The following DPP6 variants were observed in gnomAD, a reference collection of about 807,000 sequenced individuals.
The protein encoded by DPP6 is dipeptidyl peptidase like 6.
DPP6 carries 69 observed loss-of-function variants against 122.6 expected under a neutral mutation model. The ratio of observed to expected loss-of-function variants is 0.56; its 90% confidence interval spans 0.46 to 0.69. The LOEUF (loss-of-function observed/expected upper bound fraction) is 0.69. DPP6 is among the 30% of genes least tolerant of loss of function. DPP6 has a pLI of 0.00. For missense variants in DPP6, 928 were observed against 1,116.9 expected (o/e 0.83, Z 2.41); for synonymous variants, 418 against 433.1 (o/e 0.97, Z 0.43).
rs982820777 is a variant in DPP6 at position 154,760,140 on chromosome 7, A to G, written c.884-9277A>G. On this transcript the variant is annotated intron_variant, in intron 8 of 25. Transcript: ENST00000377770. This position sits in a 1 kb window ranked among gnomAD's most constrained non-coding sequence, Gnocchi z 4.5. ...TCTGTCTCAAAACAAAAAAAAGTCT[A>G]TTCCCAAGGAGACAGGCATCCAGCT... is the stretch of plus-strand genomic sequence containing the variant. Among the ~76,000 whole-genome samples, 4 of 152,150 alleles carry G rather than the reference A, an allele frequency of 2.6e-5. No homozygotes were observed. Among genetic ancestry groups the G allele is most frequent in the African/African-American group, 7.2e-5 (3 of 41,454 alleles).
chr7:154,031,877 TG>T (rs1368257614), intron 1 of DPP6, among the ~76,000 whole-genome samples: 4 of 87,034 alleles, frequency 4.6e-5, no homozygotes, highest in East Asian at 6.1e-4. Context: ...TTTTTTTTTT[TG>T]GGGGACGGGG....
chr7:154,261,285 G>A (rs936439694), intron 1 of DPP6, among the ~76,000 whole-genome samples: 1 of 152,198 alleles, frequency 6.6e-6, no homozygotes, highest in Non-Finnish European at 1.5e-5. Context: ...AGTATTCCCA[G>A]TTCACTGCAT....
intron 7 of DPP6, among the ~76,000 whole-genome samples, chr7:154,690,418 A>G (rs1455736747): frequency 3.3e-5 from 5 of 152,148 alleles, no homozygotes; most frequent in Non-Finnish European, 7.3e-5. Context: ...GCCTCACTCA[A>G]GATCTGACTT....
At chr7:153,879,639 G>A in the DPP6 span, among the ~76,000 whole-genome samples, 49 of 152,186 alleles carry the variant, frequency 3.2e-4, no homozygotes, top group Non-Finnish European at 6.2e-4. Flanking sequence ...AACCACCTGC[G>A]TCGGCCCTCA....
chr7:153,994,844 T>A (rs1797351479), intron 1 of DPP6, among the ~76,000 whole-genome samples: 1 of 152,198 alleles, frequency 6.6e-6, no homozygotes, highest in Non-Finnish European at 1.5e-5. Flanking sequence ...TCCCTACAGA[T>A]AAGTTTCACT....
In DPP6 at chr7:154,833,198, G is replaced by A. The variant is rs114464689; in HGVS notation, c.1667-20582G>A. Among the ~76,000 whole-genome samples, 214 of 152,342 alleles carry A rather than the reference G, an allele frequency of 1.4e-3. No homozygotes were observed. The highest frequency in any genetic ancestry group is 4.7e-3 in the African/African-American group (197 of 41,580). The stretch of plus-strand genomic sequence containing the variant: ...CTCCGATGCACACAGGAGCAGTGCA[G>A]AAGAGTGAGGGTCCCGGGGTCCCAG... On this transcript the variant is annotated intron_variant, in intron 16 of 25. Coordinates refer to ENST00000377770, the MANE Select transcript of DPP6 (RefSeq NM_130797.4). This position sits in a 1 kb window ranked among gnomAD's most constrained non-coding sequence, Gnocchi z 4.3.
At chr7:154,784,127 G>A (rs543033688) in intron 10 of DPP6, among the ~76,000 whole-genome samples, 3 of 152,138 alleles carry the variant, frequency 2.0e-5, no homozygotes, top group Non-Finnish European at 4.4e-5. Context: ...TTGCCTGTGA[G>A]CCTCATGCCC....
intron 3 of DPP6, among the ~76,000 whole-genome samples, chr7:154,479,596 G>A (rs941245991): frequency 1.5e-5 from 2 of 135,218 alleles, no homozygotes; most frequent in Non-Finnish European, 3.3e-5. Context: ...AAAAAGAAAA[G>A]GCTCACTCTG....
intron 1 of DPP6, among the ~76,000 whole-genome samples, chr7:154,182,713 G>C (rs970532832): frequency 4.6e-5 from 7 of 152,022 alleles, no homozygotes; most frequent in Non-Finnish European, 8.8e-5. Context: ...GTGTCTCTCG[G>C]TGTGCTATTA....
At chr7:154,762,885 C>T (rs567006569) in intron 8 of DPP6, among the ~76,000 whole-genome samples, 2 of 152,348 alleles carry the variant, frequency 1.3e-5, no homozygotes, top group South Asian at 4.1e-4. Flanking sequence ...ATGTGTCCAA[C>T]CTGCCTCCGA....
chr7:153,951,724 C>G (rs1395608070), intron 1 of DPP6, among the ~76,000 whole-genome samples: 2 of 152,152 alleles, frequency 1.3e-5, no homozygotes, highest in Non-Finnish European at 2.9e-5. Flanking sequence ...TTTCTTCCCC[C>G]ACTCCTTGCC....
chr7:154,535,366 A>C (rs1016908813), intron 3 of DPP6, among the ~76,000 whole-genome samples: 9 of 145,928 alleles, frequency 6.2e-5, no homozygotes, highest in Non-Finnish European at 6.0e-5. Flanking sequence ...AATACAAAAA[A>C]TAGATTTCAT....
chr7:153,914,278 G>A (rs1435454437), intron 1 of DPP6, among the ~76,000 whole-genome samples: 1 of 152,174 alleles, frequency 6.6e-6, no homozygotes, highest in Non-Finnish European at 1.5e-5. Flanking sequence ...CCCCAGCCAT[G>A]TGGAACTGTG....
the DPP6 span, among the ~76,000 whole-genome samples, chr7:153,757,752 G>A: frequency 4.6e-5 from 7 of 152,216 alleles, no homozygotes; most frequent in African/African-American, 7.2e-5. Context: ...GAGTCCACGA[G>A]TTCAAGATGA....
intron 10 of DPP6, among the ~76,000 whole-genome samples, chr7:154,777,824 G>A (rs747525954): frequency 2.0e-5 from 3 of 152,182 alleles, no homozygotes; most frequent in African/African-American, 4.8e-5. Flanking sequence ...GCACCTGTGC[G>A]CAGCTGTGGG....
chr7:154,064,016 A>G (rs1489888622), intron 1 of DPP6, among the ~76,000 whole-genome samples: 2 of 152,058 alleles, frequency 1.3e-5, no homozygotes, highest in Non-Finnish European at 2.9e-5. Flanking sequence ...TTTGAGAAGA[A>G]AAGGGTCCAG....
At position 154,186,158 on chromosome 7, in the gene DPP6, A is replaced by G. The variant is rs374054246; in HGVS notation, c.243+133095A>G. Among the ~76,000 whole-genome samples, 67 of 152,320 alleles carry G rather than the reference A, an allele frequency of 4.4e-4. 1 individual carries two copies. Among genetic ancestry groups the G allele is most frequent in the African/African-American group, 1.5e-3 (61 of 41,562 alleles). On this transcript the variant is annotated intron_variant, in intron 1 of 25. Transcript: ENST00000377770. ...TCATCCGAACAGCATGGAAAACAGT[A>G]GATCATTTTCACCAAATATCTGTGT...
At chr7:154,234,659 C>T (rs561411034) in intron 1 of DPP6, among the ~76,000 whole-genome samples, 18 of 152,204 alleles carry the variant, frequency 1.2e-4, no homozygotes, top group Admixed American at 5.9e-4. Context: ...ACACTCAACA[C>T]GCAAACACCC....
At chr7:154,411,891 G>A (rs286847) in intron 1 of DPP6, among the ~76,000 whole-genome samples, 22,533 of 151,922 alleles carry the variant, frequency 0.15, 1,706 homozygotes, top group South Asian at 0.17. Flanking sequence ...CATCCTCTTC[G>A]TTTCAGGAAA....
Sources: allele counts gnomAD v4.1 joint callset (sites outside exome capture counted in the v4.1 genomes callset), GRCh38; gene constraint gnomAD v4.1.1; non-coding constraint Gnocchi (gnomAD v3.1); transcripts MANE v1.5; gene names NCBI Gene and HGNC (gene_info 2026-07-23, HGNC 2026-07-21).